TMEM25: variants seen among roughly 807,000 people sequenced by gnomAD.
The protein encoded by TMEM25 is 0610039J01Rik.
A neutral mutation model predicts 37.0 loss-of-function variants in TMEM25; 36 were observed. The ratio of observed to expected loss-of-function variants is 0.97; its 90% confidence interval spans 0.75 to 1.28. The LOEUF is 1.28. Among genes scored for constraint, TMEM25 ranks in the 50% most tolerant of loss-of-function variants. TMEM25 has a pLI of 0.00. For synonymous variants in TMEM25, 197 were observed against 203.7 expected (o/e 0.97, Z 0.28); for missense variants, 444 against 477.9 (o/e 0.93, Z 0.66).
downstream of TMEM25, among the ~76,000 whole-genome samples, chr11:118,538,013 G>A (rs1555064189): frequency 6.6e-6 from 1 of 151,984 alleles, no homozygotes; most frequent in Non-Finnish European, 1.5e-5. Flanking sequence ...TCACTCCACT[G>A]CACTCCAGCC....
In TMEM25 at chr11:118,534,773, G is replaced by GT; in HGVS notation, c.*194dup. 7.1e-7 allele frequency: 1 copy of GT among 1,416,426 alleles called. No homozygotes were observed. The highest frequency in any genetic ancestry group is 9.2e-7 in the Non-Finnish European group (1 of 1,085,988). 87.7% of individuals were successfully genotyped at this position (1,416,426 alleles called of 1,614,324 possible). ...TGGGCTGTAACCCGCAGGGGCACAGGTATCTTTGGCAAGGCTACCAGTTGG... is the reference window on the plus strand; with the variant it reads ...TGGGCTGTAACCCGCAGGGGCACAGGTTATCTTTGGCAAGGCTACCAGTTGG... On this transcript the variant is annotated 3_prime_UTR_variant, in exon 9 of 9. Coordinates refer to ENST00000313236, the MANE Select transcript of TMEM25 (RefSeq NM_032780.4). This position sits in a 1 kb window ranked among gnomAD's most constrained non-coding sequence, Gnocchi z 4.6.
In TMEM25 at chr11:118,532,782, G is replaced by A; in HGVS notation, c.383-135G>A. On this transcript the variant is annotated intron_variant, in intron 3 of 8. Transcript: ENST00000313236. ...ACTCCGAAATGCTGCCTCTCTGGCA[G>A]ACCCAGCCATCCTGTTCCTCAGCAT... 5 of 1,290,006 alleles carry A rather than the reference G, an allele frequency of 3.9e-6. No individual in the cohort carries two copies. In the South Asian group the frequency reaches 4.3e-5, roughly 11 times the overall value. The allele number at this position is 1,290,006 out of a possible 1,614,324, so 79.9% of individuals were successfully genotyped here. A position where few individuals can be genotyped will look rare whatever the true frequency, so the allele number is the denominator to read the frequency against.
chr11:118,545,300 G>C, intron 8 of TMEM25: 1 of 860,832 alleles, frequency 1.2e-6, no homozygotes, highest in Non-Finnish European at 1.9e-6. Context: ...AAGGTAACTG[G>C]GCAGAGACAT....
chr11:118,534,679 T>C lies in TMEM25; in HGVS notation c.*99T>C, dbSNP rs540591835. The C allele has an allele frequency of 2.2e-5, 34 of 1,535,084 alleles. No individual in the cohort carries two copies. Among genetic ancestry groups the C allele is most frequent in the Middle Eastern group, 1.7e-4 (1 of 5,806 alleles). On this transcript the variant is annotated 3_prime_UTR_variant, in exon 9 of 9. Coordinates refer to ENST00000313236, the MANE Select transcript of TMEM25 (RefSeq NM_032780.4). The surrounding 1 kb of genome is among the most constrained non-coding windows in gnomAD (Gnocchi z 4.6). ...CTAGGTCACCAACGTGAAGAAGTTA[T>C]GCCACTGCCACTTTTGCTTGCCCTC...
At chr11:118,542,889 G>A (rs58270621) in intron 8 of TMEM25, among the ~76,000 whole-genome samples, 22,001 of 151,294 alleles carry the variant, frequency 0.15, 2,096 homozygotes, top group East Asian at 0.5. Flanking sequence ...CTCCAGCCTC[G>A]GTGACAGAGC....
At chr11:118,537,968 T>C (rs373545371), downstream of TMEM25, among the ~76,000 whole-genome samples, 29 of 151,948 alleles carry the variant, frequency 1.9e-4, no homozygotes, top group South Asian at 6.0e-3. Context: ...AGAGGATCAC[T>C]TCAGCCCAGG....
rs1393504637 is a variant in TMEM25, at chr11:118,541,763, TTA to T, written c.1028-4350_1028-4349del. 5.3e-5 allele frequency among the ~76,000 whole-genome samples: 8 copies of T among 152,064 alleles called. No individual in the cohort carries two copies. In the East Asian group the frequency reaches 1.4e-3, roughly 26 times the overall value. On this transcript the variant is annotated intron_variant, in intron 8 of 8. Coordinates refer to the TMEM25 transcript ENST00000354284. ...CTCCATGTTTAGCTCTCACTTATTT[TTA>T]TATATGTTTTAAGACAGGGTCTCAT... is the stretch of plus-strand genomic sequence containing the variant.
intron 3 of TMEM25, 59 bp downstream of exon 3, chr11:118,532,520 C>G (rs1419323512): frequency 1.8e-5 from 28 of 1,538,942 alleles, no homozygotes; most frequent in Non-Finnish European, 2.3e-5. Context: ...CCCCAGCACC[C>G]ACCAGGCAGG....
At chr11:118,544,216 C>G (rs1951622668) in intron 8 of TMEM25, among the ~76,000 whole-genome samples, 1 of 152,202 alleles carries the variant, frequency 6.6e-6, no homozygotes, top group Non-Finnish European at 1.5e-5. Flanking sequence ...ACTACTGCCA[C>G]CCCAATCACC....
chr11:118,531,721 A>G (rs1951280214), intron 1 of TMEM25, 54 bp from the exon 2 acceptor site: 2 of 1,314,050 alleles, frequency 1.5e-6, no homozygotes, highest in Admixed American at 2.6e-5. Flanking sequence ...TCCTGGAGCA[A>G]TTGCTAGGCC....
At chr11:118,532,543 C>T in intron 3 of TMEM25, 82 bp downstream of exon 3, 1 of 1,469,172 alleles carries the variant, frequency 6.8e-7, no homozygotes, top group South Asian at 1.3e-5. Context: ...GTCCGCAGGA[C>T]ATTTAGCAGA....
chr11:118,531,980 T>C, intron 2 of TMEM25, 109 bp downstream of exon 2: 1 of 1,412,516 alleles, frequency 7.1e-7, no homozygotes, highest in South Asian at 1.3e-5. Flanking sequence ...AGCCCTGGAG[T>C]CCCTGTCCCC....
intron 8 of TMEM25, chr11:118,544,799 T>C (rs987846410): frequency 8.6e-5 from 62 of 721,940 alleles, no homozygotes; most frequent in Non-Finnish European, 1.4e-4. Flanking sequence ...GGACATGCAC[T>C]GCCCCTGAGC....
At chr11:118,539,761 C>G (rs1951554056), downstream of TMEM25, among the ~76,000 whole-genome samples, 1 of 151,852 alleles carries the variant, frequency 6.6e-6, no homozygotes, top group Non-Finnish European at 1.5e-5. Context: ...TCATTCACAC[C>G]TGTAATACCA....
chr11:118,540,216 TC>T (rs1376098823), downstream of TMEM25, among the ~76,000 whole-genome samples: 2 of 151,764 alleles, frequency 1.3e-5, no homozygotes, highest in African/African-American at 2.4e-5. Flanking sequence ...TTCTTGCCAT[TC>T]TCCTGCCTCA....
At position 118,532,281 on chromosome 11, in the gene TMEM25, G is replaced by T. The variant is rs782628004; in HGVS notation, c.202G>T (p.Asp68Tyr). The T allele has an allele frequency of 6.2e-7, 1 of 1,614,192 alleles. No homozygotes were observed. The highest frequency in any genetic ancestry group is 2.2e-5 in the East Asian group (1 of 44,880). Residue 68 changes from aspartate to tyrosine, a missense_variant, in exon 3 of 9, where the codon GAT (aspartate) becomes TAT (tyrosine). Physicochemically the swap from Asp to Tyr is radical, Grantham distance 160. Transcript: ENST00000313236. Reference sequence around the variant, plus strand: ...CACCCCCAGATTGGCCTGGTATCTGGATGGACAGCTGCAGGAGGCCAGCAC... The same window carrying T: ...CACCCCCAGATTGGCCTGGTATCTGTATGGACAGCTGCAGGAGGCCAGCAC... ...PGTPRLAWYL[D>Y]GQLQEASTSR...
exon 9 of TMEM25, chr11:118,546,247 C>A: frequency 1.4e-6 from 1 of 703,458 alleles, no homozygotes. Context: ...CCTGTAATAC[C>A]AGCACTGTGG....
At chr11:118,531,426 AG>A in intron 1 of TMEM25, 192 bp downstream of exon 1, 1 of 419,026 alleles carries the variant, frequency 2.4e-6, no homozygotes, top group Non-Finnish European at 4.3e-6. Context: ...ATTAGGAGAA[AG>A]GCGATCCCTT....
chr11:118,539,122 A>C (rs1416399326), downstream of TMEM25, among the ~76,000 whole-genome samples: 1 of 136,662 alleles, frequency 7.3e-6, no homozygotes, highest in South Asian at 2.3e-4. Flanking sequence ...CCATTTGTCT[A>C]TTTTTGTTTT....
Sources: gnomAD v4.1 joint callset for allele counts (sites outside exome capture counted in the v4.1 genomes callset) on GRCh38, gnomAD v4.1.1 for gene constraint, Gnocchi (gnomAD v3.1) non-coding constraint, MANE v1.5 for transcripts, NCBI Gene and HGNC (gene_info 2026-07-23, HGNC 2026-07-21) for gene names.